Variants in AP3B1 observed in about 807,000 individuals in gnomAD.
AP3B1 encodes AP-3 complex subunit beta-1.
AP3B1 carries 61 observed loss-of-function variants against 132.5 expected under a neutral mutation model. The ratio of observed to expected loss-of-function variants is 0.46; its 90% CI spans 0.37 to 0.57. AP3B1 has a LOEUF of 0.57. Among genes scored for constraint, AP3B1 ranks in the 20% least tolerant of loss-of-function variants. The pLI, the probability that AP3B1 is intolerant of heterozygous loss-of-function variation, is 0.00. For missense variants in AP3B1, 1,120 were observed against 1,289.4 expected (o/e 0.87, Z 2.01); for synonymous variants, 388 against 438.3 (o/e 0.89, Z 1.43).
At chr5:78,217,243 T>G (rs974448466) in intron 6 of AP3B1, among the ~76,000 whole-genome samples, 2 of 152,304 alleles carry the variant, frequency 1.3e-5, no homozygotes, top group Admixed American at 1.3e-4. Flanking sequence ...TGTTTGTCCC[T>G]CTAGTTGGCT....
intron 21 of AP3B1, among the ~76,000 whole-genome samples, chr5:78,097,171 A>G (rs1315725039): frequency 3.6e-5 from 4 of 110,216 alleles, no homozygotes; most frequent in Middle Eastern, 7.0e-3. Context: ...GCCTCTGCCC[A>G]GCTGCCCCTA....
At chr5:78,206,062 T>TA (rs1325110825) in intron 7 of AP3B1, among the ~76,000 whole-genome samples, 10 of 152,144 alleles carry the variant, frequency 6.6e-5, no homozygotes, top group African/African-American at 2.4e-4. Context: ...TGATTTTTTT[T>TA]AATGTGAACA....
intron 17 of AP3B1, among the ~76,000 whole-genome samples, chr5:78,116,866 A>G (rs1751860787): frequency 6.6e-6 from 1 of 152,064 alleles, no homozygotes; most frequent in Non-Finnish European, 1.5e-5. Context: ...AGCATCTAGA[A>G]TGATTATATT....
chr5:78,218,867 G>A (rs1435392017), intron 6 of AP3B1, among the ~76,000 whole-genome samples: 2 of 151,980 alleles, frequency 1.3e-5, no homozygotes, highest in South Asian at 2.1e-4. Flanking sequence ...TAATCATACA[G>A]CCCAAATGAT....
chr5:78,220,140 T>C (rs1334964397), intron 6 of AP3B1, among the ~76,000 whole-genome samples: 2 of 151,998 alleles, frequency 1.3e-5, no homozygotes, highest in African/African-American at 4.8e-5. Context: ...AAAAAGGTAA[T>C]AATTAAGATA....
chr5:78,110,861 C>T (rs914221492), intron 19 of AP3B1, among the ~76,000 whole-genome samples: 3 of 151,286 alleles, frequency 2.0e-5, no homozygotes, highest in African/African-American at 7.3e-5. Context: ...CGGGCTCAAG[C>T]GATGCTCCCA....
chr5:78,143,744 T>C (rs1170601209), intron 14 of AP3B1, among the ~76,000 whole-genome samples: 2 of 152,198 alleles, frequency 1.3e-5, no homozygotes, highest in African/African-American at 4.8e-5. Context: ...CCAGGCACAG[T>C]GGCTCATGCC....
At chr5:78,047,013 C>T (rs960554445) in intron 22 of AP3B1, among the ~76,000 whole-genome samples, 1 of 152,146 alleles carries the variant, frequency 6.6e-6, no homozygotes, top group Non-Finnish European at 1.5e-5. Context: ...TATCCATGTC[C>T]ATGCAAAGTA....
intron 17 of AP3B1, among the ~76,000 whole-genome samples, chr5:78,122,685 T>C (rs377262912): frequency 1.3e-5 from 2 of 151,942 alleles, no homozygotes; most frequent in Non-Finnish European, 2.9e-5. Context: ...CACTGCTCAA[T>C]GAAATAAAAG....
intron 2 of AP3B1, among the ~76,000 whole-genome samples, chr5:78,266,509 T>C (rs1748329166): frequency 6.6e-6 from 1 of 152,158 alleles, no homozygotes; most frequent in Non-Finnish European, 1.5e-5. Context: ...TGGACTTTAA[T>C]ATATCAAGAA....
chr5:78,267,726 A>G (rs1748385906), intron 1 of AP3B1, 131 bp from the exon 2 acceptor site: 1 of 562,828 alleles, frequency 1.8e-6, no homozygotes. Flanking sequence ...GAAGGTGGCC[A>G]TCTGCAGGCC....
rs541296680 is a variant in AP3B1 at position 78,292,284 on chromosome 5, A to T, written c.128+2168T>A. ...GAGATTTAATGACCACTTCCAGAACAGGGGTCTCCTTGTTTCTGTACAATT... is the reference window on the plus strand; with the variant it reads ...GAGATTTAATGACCACTTCCAGAACTGGGGTCTCCTTGTTTCTGTACAATT... On this transcript the variant is annotated intron_variant, in intron 1 of 26. Transcript: ENST00000255194. Among the ~76,000 whole-genome samples the T allele has an allele frequency of 1.3e-4, 20 of 152,338 alleles. No homozygotes were observed. In the East Asian group the frequency reaches 3.9e-3, roughly 29 times the overall value.
intron 2 of AP3B1, among the ~76,000 whole-genome samples, chr5:78,256,207 A>C (rs1484042587): frequency 6.6e-6 from 1 of 152,026 alleles, no homozygotes; most frequent in African/African-American, 2.4e-5. Context: ...GAAATGAAAA[A>C]ATACAAAAGA....
chr5:78,110,687 TGTG>T (rs1330188089), intron 19 of AP3B1, among the ~76,000 whole-genome samples: 2 of 137,850 alleles, frequency 1.5e-5, no homozygotes, highest in Non-Finnish European at 3.3e-5. Flanking sequence ...ACTGTGCCTG[TGTG>T]TGTGTGTGTG....
At chr5:78,209,095 T>TACACAC (rs141012498) in intron 7 of AP3B1, among the ~76,000 whole-genome samples, 6 of 149,956 alleles carry the variant, frequency 4.0e-5, no homozygotes, top group African/African-American at 1.2e-4. Context: ...GAAAGGTAAA[T>TACACAC]ACACACACAC....
In AP3B1 at chr5:78,134,107, C is replaced by T. The variant is rs573460169; in HGVS notation, c.1651-4800G>A. Among the ~76,000 whole-genome samples, 15 of 143,248 alleles carry T rather than the reference C, an allele frequency of 1.0e-4. No homozygotes were observed. In the East Asian group the frequency reaches 2.0e-3, roughly 19 times the overall value. 94.0% of individuals were successfully genotyped at this position (143,248 alleles called of 152,430 possible). A position where few individuals can be genotyped will look rare whatever the true frequency, so the allele number is the denominator to read the frequency against. On this transcript the variant is annotated intron_variant, in intron 15 of 26. Transcript: ENST00000255194. ...CGGAGCTTGCAGTGAGCCGAGATCG[C>T]GCCACTGCACTGCAGCCCGGGCGAC...
chr5:78,141,722 T>A (rs1289056558), intron 14 of AP3B1, among the ~76,000 whole-genome samples: 1 of 152,142 alleles, frequency 6.6e-6, no homozygotes, highest in African/African-American at 2.4e-5. Context: ...ATATTGACTG[T>A]CTAGCAATTT....
intron 14 of AP3B1, among the ~76,000 whole-genome samples, chr5:78,152,803 T>C (rs1001917796): frequency 4.6e-5 from 7 of 152,174 alleles, no homozygotes; most frequent in African/African-American, 1.7e-4. Context: ...CATTGACCCA[T>C]TGGTCATTCA....
intron 14 of AP3B1, among the ~76,000 whole-genome samples, chr5:78,155,616 G>A (rs1743115799): frequency 1.3e-5 from 2 of 152,066 alleles, no homozygotes; most frequent in Admixed American, 6.6e-5. Flanking sequence ...AACATGCTAA[G>A]TGAAAGATGC....
Sources: gnomAD v4.1 joint callset for allele counts (sites outside exome capture counted in the v4.1 genomes callset) on GRCh38, gnomAD v4.1.1 for gene constraint, MANE v1.5 for transcripts, NCBI Gene and HGNC (gene_info 2026-07-23, HGNC 2026-07-21) for gene names.